Variants in ACOT7 observed in about 807,000 individuals in gnomAD.
ACOT7 encodes cytosolic acyl coenzyme A thioester hydrolase.
Under a neutral mutation model 40.2 loss-of-function variants are expected in ACOT7, and 12 were observed. The observed-to-expected ratio is 0.30, with a 90% CI of 0.19 to 0.48. The LOEUF is 0.48. ACOT7 is among the 20% of genes least tolerant of loss of function. The probability of loss-of-function intolerance (pLI) is 0.99; values close to 1 mark genes in which losing one functional copy is unlikely to be tolerated. For synonymous variants in ACOT7, 228 were observed against 219.5 expected (o/e 1.04, Z -0.34); for missense variants, 395 against 530.8 (o/e 0.74, Z 2.51).
chr1:6,265,843 T>A (rs1638835534), intron 8 of ACOT7, among the ~76,000 whole-genome samples: 1 of 152,202 alleles, frequency 6.6e-6, no homozygotes, highest in Non-Finnish European at 1.5e-5. Flanking sequence ...GACACCAAAC[T>A]GTACAGCTAT....
Position 6,354,478 on chromosome 1 carries a change from C to T in ACOT7, c.144-4612G>A, listed in dbSNP as rs145286741. Among the ~76,000 whole-genome samples the T allele has an allele frequency of 4.9e-4, 74 of 152,346 alleles. 1 individual carries two copies. Among genetic ancestry groups the T allele is most frequent in the African/African-American group, 1.6e-3 (67 of 41,572 alleles). On this transcript the variant is annotated intron_variant, in intron 1 of 8. Coordinates refer to ENST00000361521, the MANE Select transcript of ACOT7 (RefSeq NM_007274.4). ...AAGAAGCGATGTCCTGAGACAGGGA[C>T]GCAGCTGTCATGCAGGGCCTCAGGG...
intron 1 of ACOT7, among the ~76,000 whole-genome samples, chr1:6,351,776 C>G (rs1641597963): frequency 6.6e-6 from 1 of 152,230 alleles, no homozygotes; most frequent in Non-Finnish European, 1.5e-5. Context: ...AGGCTGGCCC[C>G]CAGGAATGAC....
At chr1:6,298,037 G>A (rs1323035307) in intron 6 of ACOT7, among the ~76,000 whole-genome samples, 1 of 152,196 alleles carries the variant, frequency 6.6e-6, no homozygotes, top group African/African-American at 2.4e-5. Context: ...GGTGAGGGGA[G>A]GAGGGGCCAG....
At chr1:6,386,231 G>A (rs1447462653) in intron 1 of ACOT7, among the ~76,000 whole-genome samples, 5 of 152,216 alleles carry the variant, frequency 3.3e-5, no homozygotes, top group Non-Finnish European at 7.3e-5. Context: ...GCTCCAGGAG[G>A]GCCGAGGAAA....
In ACOT7 at chr1:6,385,694, C is replaced by T. The variant is rs549941128; in HGVS notation, c.143+7563G>A. ...TGCGGTAAGTGGGCAAACTGTTTACCCAGTGACAAGTATGATGCCCAGCAG... is the reference window on the plus strand; with the variant it reads ...TGCGGTAAGTGGGCAAACTGTTTACTCAGTGACAAGTATGATGCCCAGCAG... On this transcript the variant is annotated intron_variant, in intron 1 of 8. Coordinates refer to ENST00000361521, the MANE Select transcript of ACOT7 (RefSeq NM_007274.4). The T allele has an allele frequency of 1.1e-3, 1,831 of 1,604,088 alleles. 50 individuals are homozygous for T. The South Asian group carries it at 0.019, about 17-fold the overall frequency.
intron 8 of ACOT7, among the ~76,000 whole-genome samples, chr1:6,276,420 ACGAGAC>A (rs1046647321): frequency 6.6e-6 from 1 of 152,000 alleles, no homozygotes; most frequent in African/African-American, 2.4e-5. Context: ...CTCTTCTAAT[ACGAGAC>A]CGAGACCGGG....
chr1:6,382,393 G>A (rs1642356541), intron 1 of ACOT7, among the ~76,000 whole-genome samples: 1 of 151,960 alleles, frequency 6.6e-6, no homozygotes, highest in African/African-American at 2.4e-5. Context: ...GACAGAGCGA[G>A]ACTCTGTCTC....
intron 6 of ACOT7, among the ~76,000 whole-genome samples, chr1:6,298,541 A>G (rs984544107): frequency 6.6e-6 from 1 of 152,184 alleles, no homozygotes; most frequent in Non-Finnish European, 1.5e-5. Flanking sequence ...AATACCGGGA[A>G]AATAGCTGTT....
intron 2 of ACOT7, among the ~76,000 whole-genome samples, chr1:6,341,374 C>T (rs1017022558): frequency 6.6e-6 from 1 of 152,072 alleles, no homozygotes; most frequent in Non-Finnish European, 1.5e-5. Flanking sequence ...TTCAGATGAT[C>T]CGCCTGCCTC....
chr1:6,388,198 TC>T (rs1346211818), intron 1 of ACOT7, among the ~76,000 whole-genome samples: 1 of 151,788 alleles, frequency 6.6e-6, no homozygotes, highest in African/African-American at 2.4e-5. Flanking sequence ...AAGCTCCGCC[TC>T]CCGGGTTCAT....
At chr1:6,327,487 A>G (rs1640837027) in intron 4 of ACOT7, 74 bp from the exon 5 acceptor site, 14 of 1,332,064 alleles carry the variant, frequency 1.1e-5, no homozygotes, top group Non-Finnish European at 1.4e-5. Context: ...CCATGATCCC[A>G]GGCCCTTATA....
chr1:6,285,233 C>T (rs1473386342), intron 7 of ACOT7, among the ~76,000 whole-genome samples: 2 of 152,210 alleles, frequency 1.3e-5, no homozygotes, highest in Admixed American at 1.3e-4. Flanking sequence ...GCCAGAGCCC[C>T]ATTAGAGCCC....
At chr1:6,363,638 G>T (rs2148468230) in intron 1 of ACOT7, among the ~76,000 whole-genome samples, 1 of 152,228 alleles carries the variant, frequency 6.6e-6, no homozygotes, top group South Asian at 2.1e-4. Flanking sequence ...TGCCTTGGCT[G>T]CCAGGCAGGG....
intron 7 of ACOT7, among the ~76,000 whole-genome samples, chr1:6,281,819 C>T (rs1388269424): frequency 6.6e-6 from 1 of 152,190 alleles, no homozygotes; most frequent in Non-Finnish European, 1.5e-5. Flanking sequence ...CTCAGGGGCT[C>T]CAGTGACACA....
At position 6,294,458 on chromosome 1, in the gene ACOT7, C is replaced by T. The variant is rs1262490228; in HGVS notation, c.829+406G>A. 2.6e-5 allele frequency among the ~76,000 whole-genome samples: 4 copies of T among 152,182 alleles called. No homozygotes were observed. The highest frequency in any genetic ancestry group is 6.5e-5 in the Admixed American group (1 of 15,278). On this transcript the variant is annotated intron_variant, in intron 7 of 8. Transcript: ENST00000361521. This position sits in a 1 kb window ranked among gnomAD's most constrained non-coding sequence, Gnocchi z 4.6. ...AGGGCTGGCCGAGGAGGGGCTCCTGCGGGCTTTTCTGTACTGACCCTGCCA... is the reference window on the plus strand; with the variant it reads ...AGGGCTGGCCGAGGAGGGGCTCCTGTGGGCTTTTCTGTACTGACCCTGCCA...
chr1:6,354,967 G>A (rs1374819958), intron 1 of ACOT7, among the ~76,000 whole-genome samples: 3 of 151,760 alleles, frequency 2.0e-5, no homozygotes, highest in African/African-American at 7.3e-5. Flanking sequence ...TACCTTCCAG[G>A]GCCTTTCCCA....
At chr1:6,381,084 C>T (rs1328748626) in intron 1 of ACOT7, among the ~76,000 whole-genome samples, 1 of 151,778 alleles carries the variant, frequency 6.6e-6, no homozygotes, top group East Asian at 1.9e-4. Context: ...CCACACTATA[C>T]CCATAAATAT....
At chr1:6,334,481 C>A (rs1396620688) in intron 3 of ACOT7, among the ~76,000 whole-genome samples, 3 of 152,264 alleles carry the variant, frequency 2.0e-5, no homozygotes, top group Non-Finnish European at 4.4e-5. Context: ...CCCCCACAGC[C>A]CAAAGCACAG....
chr1:6,268,225 C>G (rs74049519), intron 8 of ACOT7, among the ~76,000 whole-genome samples: 3,486 of 152,144 alleles, frequency 0.023, 53 homozygotes, highest in Middle Eastern at 0.044. Context: ...GTGAACAGAA[C>G]GGCATGTAAT....
Sources: gnomAD v4.1 joint callset for allele counts (sites outside exome capture counted in the v4.1 genomes callset) on GRCh38, gnomAD v4.1.1 for gene constraint, Gnocchi (gnomAD v3.1) non-coding constraint, MANE v1.5 for transcripts, NCBI Gene and HGNC (gene_info 2026-07-23, HGNC 2026-07-21) for gene names.